Variants in EDA observed in about 807,000 individuals in gnomAD.
EDA encodes the protein ectodysplasin A.
Under a neutral mutation model 23.6 loss-of-function variants are expected in EDA, and 2 were observed. That is an observed-to-expected ratio of 0.08 (90% confidence interval 0.03 to 0.27). The LOEUF is 0.27. Ranked by LOEUF, EDA falls within the 10% of genes least tolerant of loss-of-function variation. EDA has a pLI of 1.00. For missense variants in EDA, 229 were observed against 324.2 expected (o/e 0.71, Z 2.26); for synonymous variants, 131 against 132.0 (o/e 0.99, Z 0.05).
At chrX:69,854,402 CA>C (rs2017201694) in intron 1 of EDA, among the ~76,000 whole-genome samples, 1 of 111,268 alleles carries the variant, frequency 9.0e-6, no homozygotes, top group South Asian at 3.9e-4. Flanking sequence ...CCATGTTGGC[CA>C]GGCTGGTCTT....
intron 1 of EDA, among the ~76,000 whole-genome samples, chrX:69,918,753 T>A (rs1242438180): frequency 9.0e-6 from 1 of 111,172 alleles, no homozygotes; most frequent in Non-Finnish European, 1.9e-5. Flanking sequence ...AAACCTAGGG[T>A]TCTTTTGAAA....
At chrX:70,025,965 G>A (rs766997377) in intron 3 of EDA, among the ~76,000 whole-genome samples, 1 of 111,906 alleles carries the variant, frequency 8.9e-6, no homozygotes, top group Non-Finnish European at 1.9e-5. Flanking sequence ...GGCCTCTTGA[G>A]TGGCATTGCC....
chrX:69,752,679 A>G (rs1221885729), intron 1 of EDA, among the ~76,000 whole-genome samples: 2 of 112,104 alleles, frequency 1.8e-5, no homozygotes, highest in Admixed American at 9.4e-5. Flanking sequence ...TACCTCTGGT[A>G]GAATTCGGCT....
chrX:69,831,484 T>A (rs1021121343), intron 1 of EDA, among the ~76,000 whole-genome samples: 2 of 112,576 alleles, frequency 1.8e-5, no homozygotes, highest in Admixed American at 1.9e-4. Context: ...TGGTTCCAAG[T>A]CTTTGCTATT....
intron 1 of EDA, among the ~76,000 whole-genome samples, chrX:69,790,766 G>T (rs2015381471): frequency 9.0e-6 from 1 of 111,099 alleles, no homozygotes; most frequent in Non-Finnish European, 1.9e-5. Flanking sequence ...TAAACATACT[G>T]CTGGTGCCAG....
At position 70,030,455 on chromosome X, in the gene EDA, TCTC is replaced by T; in HGVS notation, c.742-13_742-11del. The T allele has an allele frequency of 8.3e-7, 1 of 1,201,272 alleles. No individual in the cohort carries two copies. Among genetic ancestry groups the T allele is most frequent in the Non-Finnish European group, 1.1e-6 (1 of 888,074 alleles). On this transcript the variant is annotated splice_polypyrimidine_tract_variant and intron_variant, in intron 5 of 7. Coordinates refer to ENST00000374552, the MANE Select transcript of EDA (RefSeq NM_001399.5). The stretch of plus-strand genomic sequence containing the variant: ...ACTCATAGTGACTACTCTCTATCCT[TCTC>T]ATCCTGCCAGCCAGCTGTGGTGCAT...
chrX:69,901,343 A>C (rs1332732361), intron 1 of EDA, among the ~76,000 whole-genome samples: 2 of 112,378 alleles, frequency 1.8e-5, no homozygotes, highest in Admixed American at 9.5e-5. Flanking sequence ...AAATACTATT[A>C]ACTAGCAATT....
intron 1 of EDA, among the ~76,000 whole-genome samples, chrX:69,817,087 T>C (rs2016097998): frequency 9.0e-6 from 1 of 111,536 alleles, no homozygotes; most frequent in Non-Finnish European, 1.9e-5. Context: ...TAAAAAGAAA[T>C]TCTAACCCAT....
At chrX:69,700,560 A>G (rs1312644919) in intron 1 of EDA, among the ~76,000 whole-genome samples, 1 of 110,864 alleles carries the variant, frequency 9.0e-6, no homozygotes, top group East Asian at 2.8e-4. Context: ...GGTGTGTTAA[A>G]AGGGGAGTCT....
Position 69,726,541 on chromosome X carries a change from T to C in EDA, c.396+109837T>C, listed in dbSNP as rs755972400. Among the ~76,000 whole-genome samples the C allele has an allele frequency of 5.3e-5, 6 of 112,689 alleles. No individual in the cohort carries two copies. The South Asian group carries it at 2.2e-3, about 41-fold the overall frequency. On this transcript the variant is annotated intron_variant, in intron 1 of 7. Coordinates refer to ENST00000374552, the MANE Select transcript of EDA (RefSeq NM_001399.5). ...TCCAGTGCTCCTCTAACTTTTAATA[T>C]ATAATGTCTGGCATTCAATAAAAAT...
intron 1 of EDA, among the ~76,000 whole-genome samples, chrX:69,687,912 G>A (rs188791851): frequency 9.0e-6 from 1 of 111,548 alleles, no homozygotes; most frequent in East Asian, 2.8e-4. Flanking sequence ...AATGCACTCC[G>A]ATCAACTCCT....
At chrX:69,922,697 C>T (rs1602536473) in intron 1 of EDA, among the ~76,000 whole-genome samples, 1 of 111,553 alleles carries the variant, frequency 9.0e-6, no homozygotes, top group Non-Finnish European at 1.9e-5. Flanking sequence ...GTTTAAAATT[C>T]AGGCTGCTAC....
intron 1 of EDA, among the ~76,000 whole-genome samples, chrX:69,731,654 C>T (rs1488540958): frequency 9.0e-6 from 1 of 111,249 alleles, no homozygotes; most frequent in Non-Finnish European, 1.9e-5. Context: ...GTTGGCCAGG[C>T]TGGTCTCAAA....
intron 2 of EDA, among the ~76,000 whole-genome samples, chrX:69,999,174 C>A (rs1291150704): frequency 8.9e-6 from 1 of 111,733 alleles, no homozygotes; most frequent in African/African-American, 3.3e-5. Context: ...GCTGAGTGGA[C>A]TGAGAAAAAT....
intron 1 of EDA, among the ~76,000 whole-genome samples, chrX:69,674,385 A>T (rs772001094): frequency 8.9e-6 from 1 of 111,944 alleles, no homozygotes; most frequent in African/African-American, 3.2e-5. Context: ...TTTTCTATTT[A>T]ACATAAGTAT....
At chrX:69,834,603 G>GTGTC (rs1183908056) in intron 1 of EDA, among the ~76,000 whole-genome samples, 1 of 104,287 alleles carries the variant, frequency 9.6e-6, no homozygotes, top group African/African-American at 3.5e-5. Context: ...GAGCCTATGT[G>GTGTC]TGTCTCTGCA....
At chrX:69,662,009 C>G (rs1456782700) in intron 1 of EDA, among the ~76,000 whole-genome samples, 1 of 110,558 alleles carries the variant, frequency 9.0e-6, no homozygotes, top group Non-Finnish European at 1.9e-5. Context: ...AGCATGAATC[C>G]CAAATACAGT....
Position 70,023,478 on chromosome X carries a change from C to CTTTTTTTTTTTT in EDA, c.526+254_526+265dup, listed in dbSNP as rs754981946. ...TCTTCTCCCTGCCCTTCTTTTTATT[C>CTTTTTTTTTTTT]TTTTTTTTTTTTTTTTTTTTTTTTT... On this transcript the variant is annotated intron_variant, in intron 3 of 7. Coordinates refer to ENST00000374552, the MANE Select transcript of EDA (RefSeq NM_001399.5). Among the ~76,000 whole-genome samples the CTTTTTTTTTTTT allele has an allele frequency of 2.4e-3, 81 of 33,495 alleles. 7 individuals carry two copies. Among genetic ancestry groups the CTTTTTTTTTTTT allele is most frequent in the East Asian group, 9.3e-3 (7 of 750 alleles). 29.1% of individuals were successfully genotyped at this position (33,495 alleles called of 115,157 possible).
chrX:69,758,616 C>T (rs1332545502), intron 1 of EDA, among the ~76,000 whole-genome samples: 1 of 112,048 alleles, frequency 8.9e-6, no homozygotes, highest in Non-Finnish European at 1.9e-5. Context: ...GGCAGATCAC[C>T]TGAGGTCAGG....
Sources: allele counts gnomAD v4.1 joint callset (sites outside exome capture counted in the v4.1 genomes callset), GRCh38; gene constraint gnomAD v4.1.1; transcripts MANE v1.5; gene names NCBI Gene and HGNC (gene_info 2026-07-23, HGNC 2026-07-21).